The following ADGRB3 variants were observed in gnomAD, a reference collection of about 807,000 sequenced individuals.
ADGRB3 encodes the protein adhesion G protein-coupled receptor B3.
ADGRB3 carries 37 observed loss-of-function variants against 193.4 expected under a neutral mutation model. The observed-to-expected ratio is 0.19, with a 90% CI of 0.15 to 0.25. The LOEUF (loss-of-function observed/expected upper bound fraction) is 0.25. Among genes scored for constraint, ADGRB3 ranks in the 10% least tolerant of loss-of-function variants. ADGRB3 has a pLI of 1.00. For missense variants in ADGRB3, 1,637 were observed against 1,852.9 expected, an observed-to-expected ratio of 0.88 and a Z score of 2.14; for synonymous variants, 690 against 644.2, an observed-to-expected ratio of 1.07 and a Z score of -1.08.
intron 17 of ADGRB3, among the ~76,000 whole-genome samples, chr6:69,216,934 A>C (rs1355549439): frequency 6.6e-6 from 1 of 152,200 alleles, no homozygotes; most frequent in African/African-American, 2.4e-5. Context: ...CACAACTCTC[A>C]CTCCTGAATG....
intron 15 of ADGRB3, among the ~76,000 whole-genome samples, chr6:69,053,269 A>G (rs1326602420): frequency 6.6e-6 from 1 of 152,158 alleles, no homozygotes; most frequent in Non-Finnish European, 1.5e-5. Context: ...TTTTATAGAT[A>G]AGAGAACTGA....
intron 17 of ADGRB3, among the ~76,000 whole-genome samples, chr6:69,145,052 C>T (rs550967924): frequency 2.6e-5 from 4 of 152,244 alleles, no homozygotes; most frequent in South Asian, 4.1e-4. Context: ...GTTACAGGAT[C>T]CTTTGGGTGT....
At chr6:68,974,334 C>T (rs1365769365) in intron 8 of ADGRB3, among the ~76,000 whole-genome samples, 1 of 152,118 alleles carries the variant, frequency 6.6e-6, no homozygotes, top group African/African-American at 2.4e-5. Context: ...GTTTATGCCA[C>T]TAACATTTCA....
intron 31 of ADGRB3, 115 bp downstream of exon 31, chr6:69,383,050 A>C (rs1188540854): frequency 2.1e-5 from 12 of 569,644 alleles, no homozygotes; most frequent in Non-Finnish European, 2.8e-6. Flanking sequence ...TAGAAAAAAA[A>C]AGTATAAGCC....
intron 13 of ADGRB3, among the ~76,000 whole-genome samples, chr6:69,018,800 C>T (rs371521873): frequency 7.2e-5 from 11 of 151,972 alleles, no homozygotes; most frequent in African/African-American, 1.7e-4. Context: ...CTGCCAAATG[C>T]TCATTGCTAT....
In ADGRB3 at chr6:68,660,801, T is replaced by C. The variant is rs1358901798; in HGVS notation, c.757+21369T>C. On this transcript the variant is annotated intron_variant, in intron 3 of 31. Transcript: ENST00000370598. ...CAACAAATAGGATTGAGTTTTGCCA[T>C]AAGTTTCTTGTCTTCAGCAAAACGT... 4.6e-5 allele frequency among the ~76,000 whole-genome samples: 7 copies of C among 151,272 alleles called. No homozygotes were observed. In the East Asian group the frequency reaches 1.4e-3, roughly 29 times the overall value.
At chr6:68,994,076 C>A (rs200510053) in intron 11 of ADGRB3, 114 bp downstream of exon 11, 1 of 316,760 alleles carries the variant, frequency 3.2e-6, no homozygotes, top group Non-Finnish European at 5.9e-6. Flanking sequence ...AATGCTCATC[C>A]AAGTTATGCT....
chr6:69,242,688 G>A (rs1174202549), intron 20 of ADGRB3, among the ~76,000 whole-genome samples: 4 of 151,924 alleles, frequency 2.6e-5, no homozygotes, highest in Non-Finnish European at 5.9e-5. Context: ...TGGCAACAAA[G>A]TAAGGAACCA....
chr6:68,758,504 T>G (rs1251803356), intron 3 of ADGRB3, among the ~76,000 whole-genome samples: 1 of 152,144 alleles, frequency 6.6e-6, no homozygotes, highest in Non-Finnish European at 1.5e-5. Context: ...CCAGTTGTAC[T>G]GCATTTCCTC....
At chr6:69,319,829 A>G (rs1768406906) in intron 20 of ADGRB3, among the ~76,000 whole-genome samples, 1 of 151,488 alleles carries the variant, frequency 6.6e-6, no homozygotes, top group Admixed American at 6.6e-5. Flanking sequence ...AGTATGTCAC[A>G]TAATTACATT....
In ADGRB3 at chr6:69,355,870, T is replaced by A; in HGVS notation, c.3595+10T>A. 2 of 1,596,964 alleles carry A rather than the reference T, an allele frequency of 1.3e-6. No homozygotes were observed. Among genetic ancestry groups the A allele is most frequent in the Non-Finnish European group, 1.7e-6 (2 of 1,165,952 alleles). On this transcript the variant is annotated intron_variant, in intron 28 of 31. Transcript: ENST00000370598. ...ATTGCCTGTCGATCAGGTAAGAATA[T>A]TTAGATTTTGAAATCTAATCAGTAG...
intron 13 of ADGRB3, among the ~76,000 whole-genome samples, chr6:69,032,207 T>C (rs1301279777): frequency 6.6e-6 from 1 of 152,200 alleles, no homozygotes; most frequent in Non-Finnish European, 1.5e-5. Flanking sequence ...CCCAGTTGAC[T>C]TCATTGTTAT....
intron 3 of ADGRB3, among the ~76,000 whole-genome samples, chr6:68,650,324 G>A (rs1011704963): frequency 1.3e-5 from 2 of 151,798 alleles, no homozygotes; most frequent in Non-Finnish European, 2.9e-5. Flanking sequence ...GTTTTTTTCG[G>A]TATTTATCTG....
intron 15 of ADGRB3, among the ~76,000 whole-genome samples, chr6:69,059,586 T>C (rs1360036024): frequency 1.3e-5 from 2 of 152,174 alleles, no homozygotes; most frequent in African/African-American, 4.8e-5. Context: ...TGAAATCCAT[T>C]TGGCTGTCAG....
chr6:69,369,344 A>T (rs568487908), intron 29 of ADGRB3, among the ~76,000 whole-genome samples: 1 of 152,276 alleles, frequency 6.6e-6, no homozygotes, highest in South Asian at 2.1e-4. Context: ...AAAACTGAAC[A>T]GAATTGAATG....
chr6:69,027,004 T>G (rs1770450662), intron 13 of ADGRB3, among the ~76,000 whole-genome samples: 1 of 152,166 alleles, frequency 6.6e-6, no homozygotes, highest in East Asian at 1.9e-4. Flanking sequence ...TAAGCTACAC[T>G]AAATTTATTA....
At chr6:69,203,233 G>A (rs898672284) in intron 17 of ADGRB3, among the ~76,000 whole-genome samples, 2 of 152,050 alleles carry the variant, frequency 1.3e-5, no homozygotes, top group African/African-American at 4.8e-5. Context: ...AAAGTACAAC[G>A]GCATTGCCTG....
intron 3 of ADGRB3, among the ~76,000 whole-genome samples, chr6:68,842,387 C>T (rs1275544258): frequency 2.6e-5 from 4 of 151,734 alleles, no homozygotes; most frequent in East Asian, 1.9e-4. Context: ...ATGTTAGGAA[C>T]TATATAACTA....
Position 69,062,975 on chromosome 6 carries a change from T to A in ADGRB3, c.2375T>A (p.Ile792Lys). 1 of 1,612,280 alleles carries A rather than the reference T, an allele frequency of 6.2e-7. No individual in the cohort carries two copies. The highest frequency in any genetic ancestry group is 8.5e-7 in the Non-Finnish European group (1 of 1,178,864). The part of the protein sequence containing the change: ...VINSKIIVVT[I>K]RPEPKTTDSF... ...AATTCCAAAATCATCGTGGTCACAATAAGGCCTGAACCCAAAACAACCGAT... is the reference window on the plus strand; with the variant it reads ...AATTCCAAAATCATCGTGGTCACAAAAAGGCCTGAACCCAAAACAACCGAT... Residue 792 changes from isoleucine to lysine, a missense_variant, in exon 16 of 32, where the codon ATA (isoleucine) becomes AAA (lysine). By Grantham distance (102) the Ile-to-Lys change is moderately radical. Coordinates refer to ENST00000370598, the MANE Select transcript of ADGRB3 (RefSeq NM_001704.3).
Sources: allele counts gnomAD v4.1 joint callset (sites outside exome capture counted in the v4.1 genomes callset), GRCh38; gene constraint gnomAD v4.1.1; transcripts MANE v1.5; gene names NCBI Gene and HGNC (gene_info 2026-07-23, HGNC 2026-07-21).